CCDC191: variants seen among roughly 807,000 people sequenced by gnomAD.
CCDC191 encodes the protein coiled-coil domain-containing protein 191.
CCDC191 carries 99 observed loss-of-function variants against 114.0 expected under a neutral mutation model. That is an observed-to-expected ratio of 0.87 (90% CI 0.74 to 1.03). The LOEUF is 1.03. Ranked by LOEUF, CCDC191 falls within the 50% of genes least tolerant of loss-of-function variation. The probability of loss-of-function intolerance (pLI) is 0.00; values close to 1 mark genes in which losing one functional copy is unlikely to be tolerated. For missense variants in CCDC191, 973 were observed against 1,087.0 expected (o/e 0.90, Z 1.47); for synonymous variants, 351 against 376.0 (o/e 0.93, Z 0.77).
intron 5 of CCDC191, 100 bp from the exon 6 acceptor site, chr3:114,035,248 G>T: frequency 2.5e-6 from 2 of 798,484 alleles, no homozygotes; most frequent in Non-Finnish European, 4.0e-6. Context: ...CAACCAGTTT[G>T]AAATATGCTG....
intron 9 of CCDC191, among the ~76,000 whole-genome samples, chr3:114,006,619 A>ATATATATATATATAAATATAAAT (rs1559903359): frequency 4.3e-5 from 4 of 92,548 alleles, no homozygotes; most frequent in African/African-American, 1.7e-4. Flanking sequence ...TATATATATA[A>ATATATATATATATAAATATAAAT]ATATATATAT....
At chr3:114,003,924 A>T in intron 11 of CCDC191, 1 of 985,442 alleles carries the variant, frequency 1.0e-6, no homozygotes, top group East Asian at 1.1e-4. Context: ...CAATTAGCAG[A>T]TTCACTAGGT....
rs201839211 is a variant in CCDC191, at chr3:114,046,739, T to A, written c.130-7A>T. The A allele has an allele frequency of 3.2e-6, 5 of 1,574,698 alleles. No individual in the cohort carries two copies. In the East Asian group the frequency reaches 9.0e-5, roughly 28 times the overall value. ...CTGAGGCTTTCTCCACTCTCTTCAA[T>A]ATAACAGAAAAAAAAATCCATAAAG... On this transcript the variant is annotated splice_region_variant and splice_polypyrimidine_tract_variant and intron_variant, in intron 2 of 16. Coordinates refer to ENST00000295878, the MANE Select transcript of CCDC191 (RefSeq NM_020817.2).
chr3:114,030,120 G>C (rs765811388), intron 7 of CCDC191, among the ~76,000 whole-genome samples: 10 of 152,256 alleles, frequency 6.6e-5, no homozygotes, highest in Non-Finnish European at 1.2e-4. Flanking sequence ...GAAAAGTTGG[G>C]TGAAGGTTAT....
intron 7 of CCDC191, among the ~76,000 whole-genome samples, chr3:114,026,851 A>G (rs1042220235): frequency 1.3e-5 from 2 of 152,216 alleles, no homozygotes; most frequent in African/African-American, 4.8e-5. Flanking sequence ...TAAGCAAACT[A>G]AAACCTTCCC....
intron 16 of CCDC191, among the ~76,000 whole-genome samples, chr3:113,965,968 C>G (rs1940116013): frequency 6.6e-6 from 1 of 151,798 alleles, no homozygotes; most frequent in African/African-American, 2.4e-5. Flanking sequence ...CAAATGGCTT[C>G]CAGTAACCCA....
At chr3:114,010,108 G>A (rs988009672) in intron 9 of CCDC191, among the ~76,000 whole-genome samples, 3 of 151,642 alleles carry the variant, frequency 2.0e-5, no homozygotes, top group Non-Finnish European at 2.9e-5. Flanking sequence ...TTGTGAAAAC[G>A]TAATTTTTTT....
chr3:113,986,019 T>C (rs1286485341), intron 13 of CCDC191, among the ~76,000 whole-genome samples: 2 of 152,204 alleles, frequency 1.3e-5, no homozygotes, highest in African/African-American at 2.4e-5. Flanking sequence ...ATGTTGGAAC[T>C]ATCAGAGAGG....
chr3:113,982,872 C>A (rs886867648), intron 13 of CCDC191, among the ~76,000 whole-genome samples: 18 of 150,306 alleles, frequency 1.2e-4, no homozygotes, highest in Non-Finnish European at 1.0e-4. Flanking sequence ...AAAAAAAAAC[C>A]AAAAATAAAA....
Position 114,031,730 on chromosome 3 carries a change from T to A in CCDC191, c.868A>T (p.Met290Leu). ...ENSQNSSEKVMFQSTHILPDE... is the reference protein window; with the variant it reads ...ENSQNSSEKVLFQSTHILPDE... Reference sequence around the variant, plus strand: ...GGAAGAATGTGAGTACTTTGAAACATGACTTTTTCTGAACTATTTTGAGAA... The same window carrying A: ...GGAAGAATGTGAGTACTTTGAAACAAGACTTTTTCTGAACTATTTTGAGAA... The change falls in exon 7 of 17, where the codon ATG (methionine) becomes TTG (leucine). Residue 290 changes from methionine to leucine, a missense_variant. Physicochemically the swap from Met to Leu is conservative, Grantham distance 15. Transcript: ENST00000295878. The A allele has an allele frequency of 4.6e-6, 7 of 1,531,154 alleles. No individual in the cohort carries two copies. Among genetic ancestry groups the A allele is most frequent in the Non-Finnish European group, 6.3e-6 (7 of 1,105,386 alleles). 94.8% of individuals were successfully genotyped at this position (1,531,154 alleles called of 1,614,324 possible).
At chr3:113,970,835 G>A (rs1477344103) in intron 16 of CCDC191, among the ~76,000 whole-genome samples, 1 of 151,702 alleles carries the variant, frequency 6.6e-6, no homozygotes, top group Non-Finnish European at 1.5e-5. Context: ...TTTTGTCCTT[G>A]CGATAGTTTG....
intron 16 of CCDC191, among the ~76,000 whole-genome samples, chr3:113,968,926 T>C (rs1371459123): frequency 6.6e-6 from 1 of 151,050 alleles, no homozygotes; most frequent in Non-Finnish European, 1.5e-5. Flanking sequence ...CTTGCAGTTT[T>C]GCCAGCTGTA....
intron 13 of CCDC191, among the ~76,000 whole-genome samples, chr3:113,986,174 A>G (rs1041083555): frequency 1.3e-5 from 2 of 152,252 alleles, no homozygotes; most frequent in African/African-American, 4.8e-5. Context: ...AAAAAAACAC[A>G]TGGTAATAGA....
chr3:114,030,105 AT>A (rs1426211897), intron 7 of CCDC191, among the ~76,000 whole-genome samples: 1 of 152,204 alleles, frequency 6.6e-6, no homozygotes, highest in African/African-American at 2.4e-5. Context: ...AAATGTTAAC[AT>A]TGGGAAAAGT....
rs1257162120 is a variant in CCDC191 at position 114,027,132 on chromosome 3, G to A, written c.972+4494C>T. Among the ~76,000 whole-genome samples, 5 of 152,288 alleles carry A rather than the reference G, an allele frequency of 3.3e-5. No homozygotes were observed. In the East Asian group the frequency reaches 9.6e-4, roughly 29 times the overall value. ...GATCAAAGAGAAAATGGGATAGGCT[G>A]GAAGTAGAAAGCTTCTACACAAAAA... On this transcript the variant is annotated intron_variant, in intron 7 of 16. Transcript: ENST00000295878.
At chr3:114,030,659 C>G (rs2076391997) in intron 7 of CCDC191, among the ~76,000 whole-genome samples, 1 of 152,154 alleles carries the variant, frequency 6.6e-6, no homozygotes, top group Non-Finnish European at 1.5e-5. Flanking sequence ...TCAAATATGT[C>G]TATCGTTTTT....
intron 11 of CCDC191, 51 bp from the exon 12 acceptor site, chr3:114,002,589 G>A: frequency 7.0e-7 from 1 of 1,435,442 alleles, no homozygotes; most frequent in South Asian, 1.3e-5. Context: ...AAAAATATGA[G>A]GAATACTGCA....
chr3:113,978,602 C>A, intron 15 of CCDC191: 2 of 581,016 alleles, frequency 3.4e-6, no homozygotes, highest in East Asian at 2.9e-5. Context: ...CAAGAAATGA[C>A]TATAAAAACA....
At chr3:114,006,249 G>T (rs2075957494) in intron 9 of CCDC191, among the ~76,000 whole-genome samples, 1 of 152,000 alleles carries the variant, frequency 6.6e-6, no homozygotes, top group African/African-American at 2.4e-5. Context: ...AGGAGATTGA[G>T]ATCAGCCTGG....
Sources: gnomAD v4.1 joint callset for allele counts (sites outside exome capture counted in the v4.1 genomes callset) on GRCh38, gnomAD v4.1.1 for gene constraint, MANE v1.5 for transcripts, NCBI Gene and HGNC (gene_info 2026-07-23, HGNC 2026-07-21) for gene names.